The following OPA1 variants were observed in gnomAD, a reference collection of about 807,000 sequenced individuals.
OPA1 encodes the protein dynamin-like GTPase OPA1, mitochondrial.
A neutral mutation model predicts 152.9 loss-of-function variants in OPA1; 59 were observed. The observed-to-expected ratio is 0.39, with a 90% CI of 0.31 to 0.48. The LOEUF is 0.48. Ranked by LOEUF, OPA1 falls within the 20% of genes least tolerant of loss-of-function variation. The pLI is 0.96. For synonymous variants in OPA1, 400 were observed against 389.9 expected (o/e 1.03, Z -0.31); for missense variants, 1,008 against 1,216.8 (o/e 0.83, Z 2.55).
intron 29 of OPA1, among the ~76,000 whole-genome samples, chr3:193,685,635 C>G (rs1720836521): frequency 6.6e-6 from 1 of 151,932 alleles, no homozygotes; most frequent in African/African-American, 2.4e-5. Flanking sequence ...CACATTAATG[C>G]TCAGAAAAAA....
At chr3:193,666,756 C>G (rs1458524864) in intron 28 of OPA1, among the ~76,000 whole-genome samples, 1 of 151,882 alleles carries the variant, frequency 6.6e-6, no homozygotes, top group Admixed American at 6.6e-5. Context: ...TACTACTGCA[C>G]TCTAGCCTAG....
chr3:193,594,645 C>T (rs1725224406), intron 1 of OPA1, among the ~76,000 whole-genome samples: 2 of 152,208 alleles, frequency 1.3e-5, no homozygotes, highest in South Asian at 4.1e-4. Context: ...TCCTCGACTT[C>T]CCAAAGTGCT....
intron 25 of OPA1, among the ~76,000 whole-genome samples, chr3:193,661,934 G>C (rs1715361113): frequency 6.6e-6 from 1 of 151,952 alleles, no homozygotes; most frequent in South Asian, 2.1e-4. Flanking sequence ...TTAATTAGTA[G>C]TTCCATTTAC....
chr3:193,598,746 T>G (rs1446672560), intron 1 of OPA1, among the ~76,000 whole-genome samples: 1 of 152,250 alleles, frequency 6.6e-6, no homozygotes, highest in Non-Finnish European at 1.5e-5. Flanking sequence ...GACTCTCTAA[T>G]ACAGCTATTA....
Position 193,635,288 on chromosome 3 carries a change from T to C in OPA1, c.844-130T>C, listed in dbSNP as rs1471112851. 3 of 599,046 alleles carry C rather than the reference T, an allele frequency of 5.0e-6. No individual in the cohort carries two copies. The East Asian group carries it at 8.6e-5, about 17-fold the overall frequency. The allele number at this position is 599,046 out of a possible 1,614,324, so 37.1% of individuals were successfully genotyped here. On this transcript the variant is annotated intron_variant, in intron 8 of 30. Coordinates refer to ENST00000361510, the MANE Select transcript of OPA1 (RefSeq NM_130837.3). ...ATTTTATTCCTAATGTTTTCGTAGATGCTTTTAAAATGTAATACATTTTAA... is the reference window on the plus strand; with the variant it reads ...ATTTTATTCCTAATGTTTTCGTAGACGCTTTTAAAATGTAATACATTTTAA...
intron 9 of OPA1, 122 bp downstream of exon 9, chr3:193,635,644 C>T: frequency 1.4e-6 from 1 of 690,444 alleles, no homozygotes; most frequent in Non-Finnish European, 2.6e-6. Context: ...ACCTAATGTG[C>T]TTGGAGGATG....
chr3:193,678,076 A>G (rs1280017087), intron 29 of OPA1, among the ~76,000 whole-genome samples: 1 of 152,210 alleles, frequency 6.6e-6, no homozygotes, highest in East Asian at 1.9e-4. Flanking sequence ...TGTGTACAGA[A>G]TATTTCATTT....
Position 193,658,945 on chromosome 3 carries a change from A to T in OPA1, c.2390A>T (p.Asp797Val). Residue 797 changes from aspartate to valine, a missense_variant, in exon 24 of 31, where the codon GAT (aspartate) becomes GTT (valine). Around this residue, in one of 7 missense-constraint regions of OPA1, gnomAD observed 229 missense variants for 269.0 expected, o/e 0.85. Transcript: ENST00000361510. ...DRSISDKQQW[D>V]AAIYFMEEAL... ...TCCATATCTGATAAACAGCAATGGGATGCAGCTATTTATTTTATGGAAGAG... is the reference window on the plus strand; with the variant it reads ...TCCATATCTGATAAACAGCAATGGGTTGCAGCTATTTATTTTATGGAAGAG... The T allele has an allele frequency of 1.2e-6, 2 of 1,613,926 alleles. No individual in the cohort carries two copies. Among genetic ancestry groups the T allele is most frequent in the Non-Finnish European group, 1.7e-6 (2 of 1,179,856 alleles).
intron 29 of OPA1, among the ~76,000 whole-genome samples, chr3:193,672,464 C>T (rs1718137565): frequency 6.6e-6 from 1 of 152,090 alleles, no homozygotes; most frequent in African/African-American, 2.4e-5. Context: ...TGCCTGGAAC[C>T]CTTGTTCACT....
intron 1 of OPA1, among the ~76,000 whole-genome samples, chr3:193,601,562 T>A (rs1726468435): frequency 6.6e-6 from 1 of 152,182 alleles, no homozygotes; most frequent in Non-Finnish European, 1.5e-5. Context: ...AGTGGGAAAT[T>A]TACTTTTCTA....
At chr3:193,686,529 C>T (rs934082529) in intron 29 of OPA1, among the ~76,000 whole-genome samples, 3 of 152,180 alleles carry the variant, frequency 2.0e-5, no homozygotes, top group African/African-American at 4.8e-5. Context: ...CTAAAAGATG[C>T]ACCTTTTTTC....
intron 6 of OPA1, among the ~76,000 whole-genome samples, chr3:193,625,376 T>G (rs1210693463): frequency 6.6e-6 from 1 of 152,210 alleles, no homozygotes; most frequent in Non-Finnish European, 1.5e-5. Flanking sequence ...TTTTGTTTAG[T>G]AATTTGTATA....
In OPA1 at chr3:193,593,368, C is replaced by G; in HGVS notation, c.-10C>G. ...CGTCTCGGCGCCTGCGTGACCTCCCCGCCGGCGGGATGTGGCGACTACGTC... is the reference window on the plus strand; with the variant it reads ...CGTCTCGGCGCCTGCGTGACCTCCCGGCCGGCGGGATGTGGCGACTACGTC... On this transcript the variant is annotated 5_prime_UTR_variant, in exon 1 of 31. Coordinates refer to ENST00000361510, the MANE Select transcript of OPA1 (RefSeq NM_130837.3). The G allele has an allele frequency of 3.9e-6, 6 of 1,545,954 alleles. No individual in the cohort carries two copies. The highest frequency in any genetic ancestry group is 5.2e-6 in the Non-Finnish European group (6 of 1,144,478).
chr3:193,623,690 A>G (rs1294832465), intron 6 of OPA1, among the ~76,000 whole-genome samples: 12 of 152,180 alleles, frequency 7.9e-5, no homozygotes, highest in Admixed American at 7.9e-4. Context: ...TTATTTTTGT[A>G]CCATTTCTTG....
intron 1 of OPA1, among the ~76,000 whole-genome samples, chr3:193,594,575 A>AG (rs529821391): frequency 4.7e-4 from 71 of 152,238 alleles, no homozygotes; most frequent in Admixed American, 3.3e-3. Context: ...TTTAGTAGAG[A>AG]GGGGGTTTCA....
At chr3:193,651,044 G>A (rs578198654) in intron 21 of OPA1, among the ~76,000 whole-genome samples, 204 of 152,224 alleles carry the variant, frequency 1.3e-3, no homozygotes, top group African/African-American at 2.0e-3. Flanking sequence ...CAAGAAAGGC[G>A]ACACAGGTAG....
rs1166866827 is a variant in OPA1, at chr3:193,667,485, A to G, written c.2983+205A>G. On this transcript the variant is annotated intron_variant, in intron 29 of 30. Coordinates refer to ENST00000361510, the MANE Select transcript of OPA1 (RefSeq NM_130837.3). ...GAAGATCAAGACCATCCTGGCTAACACAGTGAAACCCCGTCTCTACTAAAA... is the reference window on the plus strand; with the variant it reads ...GAAGATCAAGACCATCCTGGCTAACGCAGTGAAACCCCGTCTCTACTAAAA... 5.1e-6 allele frequency: 3 copies of G among 589,138 alleles called. No individual in the cohort carries two copies. The East Asian group carries it at 1.1e-4, about 22-fold the overall frequency. The allele number at this position is 589,138 out of a possible 1,614,324, so 36.5% of individuals were successfully genotyped here.
intron 29 of OPA1, among the ~76,000 whole-genome samples, chr3:193,684,186 T>C (rs75466561): frequency 0.027 from 4,073 of 152,286 alleles, 86 homozygotes; most frequent in Non-Finnish European, 0.041. Flanking sequence ...TGGGGCCCTT[T>C]ATTGTAATGT....
chr3:193,692,160 G>A lies in OPA1; in HGVS notation c.*5+28G>A, dbSNP rs147277633. On this transcript the variant is annotated intron_variant, in intron 30 of 30. Transcript: ENST00000361510. Reference sequence around the variant, plus strand: ...GAGTAAAAATTCTCTAACTGTATTGGTGCTGACTAAATACAAAATTACACT... The same window carrying A: ...GAGTAAAAATTCTCTAACTGTATTGATGCTGACTAAATACAAAATTACACT... 5 of 1,142,766 alleles carry A rather than the reference G, an allele frequency of 4.4e-6. No homozygotes were observed. The African/African-American group carries it at 6.1e-5, about 14-fold the overall frequency. The allele number at this position is 1,142,766 out of a possible 1,614,324, so 70.8% of individuals were successfully genotyped here.
Sources: gnomAD v4.1 joint callset for allele counts (sites outside exome capture counted in the v4.1 genomes callset) on GRCh38, gnomAD v4.1.1 for gene constraint, gnomAD v4.1.1 regional missense constraint, MANE v1.5 for transcripts, NCBI Gene and HGNC (gene_info 2026-07-23, HGNC 2026-07-21) for gene names.